The following GTF3C2 variants were observed in gnomAD, a reference collection of about 807,000 sequenced individuals.
GTF3C2 encodes general transcription factor 3C polypeptide 2.
Under a neutral mutation model 117.4 loss-of-function variants are expected in GTF3C2, and 17 were observed. That is an observed-to-expected ratio of 0.14 (90% confidence interval 0.10 to 0.22). The LOEUF is 0.22. Among genes scored for constraint, GTF3C2 ranks in the 10% least tolerant of loss-of-function variants. The probability of loss-of-function intolerance (pLI) is 1.00; values close to 1 mark genes in which losing one functional copy is unlikely to be tolerated. For synonymous variants in GTF3C2, 437 were observed against 427.0 expected (o/e 1.02, Z -0.29); for missense variants, 888 against 1,143.6 (o/e 0.78, Z 3.22).
chr2:27,341,168 TG>T (rs1680717305), intron 4 of GTF3C2, among the ~76,000 whole-genome samples: 1 of 152,136 alleles, frequency 6.6e-6, no homozygotes, highest in Non-Finnish European at 1.5e-5. Flanking sequence ...CCCAAGTAGC[TG>T]GGACTACAGG....
At chr2:27,351,877 C>T (rs79842948) in intron 1 of GTF3C2, among the ~76,000 whole-genome samples, 2 of 150,626 alleles carry the variant, frequency 1.3e-5, no homozygotes, top group African/African-American at 5.0e-5. Flanking sequence ...CCACACGCCC[C>T]CCATCTTGTA....
chr2:27,326,496 GC>G, exon 19 of GTF3C2: 1 of 613,650 alleles, frequency 1.6e-6, no homozygotes, highest in Non-Finnish European at 2.9e-6. Context: ...CCCGCAGGGG[GC>G]TGTGATCACA....
chr2:27,343,553 A>G, exon 2 of GTF3C2: 1 of 1,613,880 alleles, frequency 6.2e-7, no homozygotes, highest in Non-Finnish European at 8.5e-7. Context: ...GCAGGTATCC[A>G]TCAGCACCCC....
At chr2:27,344,510 C>T (rs564488747) in intron 1 of GTF3C2, among the ~76,000 whole-genome samples, 6 of 151,862 alleles carry the variant, frequency 4.0e-5, no homozygotes, top group African/African-American at 9.7e-5. Flanking sequence ...ACACACACTC[C>T]AAAAAAGAAG....
In GTF3C2 at chr2:27,352,887, T is replaced by C. The variant is rs182851121; in HGVS notation, c.-25+3852A>G. ...ACTTTCTTGAAACATTCACTTTTCTTGAGAAGCAATTCAACGAGCAGTAAA... is the reference window on the plus strand; with the variant it reads ...ACTTTCTTGAAACATTCACTTTTCTCGAGAAGCAATTCAACGAGCAGTAAA... On this transcript the variant is annotated intron_variant, in intron 1 of 18. Transcript: ENST00000264720. Among the ~76,000 whole-genome samples, 412 of 152,326 alleles carry C rather than the reference T, an allele frequency of 2.7e-3. 5 individuals carry two copies. The highest frequency in any genetic ancestry group is 7.5e-4 in the Non-Finnish European group (51 of 68,036).
chr2:27,352,640 ACAGT>A (rs923483915), intron 1 of GTF3C2, among the ~76,000 whole-genome samples: 3 of 152,282 alleles, frequency 2.0e-5, no homozygotes, highest in East Asian at 1.9e-4. Flanking sequence ...TCCTCCTCCT[ACAGT>A]CAAACTTTTA....
intron 12 of GTF3C2, among the ~76,000 whole-genome samples, chr2:27,330,038 C>A (rs1680223989): frequency 6.8e-6 from 1 of 146,802 alleles, no homozygotes; most frequent in South Asian, 2.2e-4. Context: ...CCCAGCTACT[C>A]GGGAGGCTAA....
exon 19 of GTF3C2, chr2:27,326,506 C>T (rs1275116244): frequency 3.2e-6 from 2 of 618,882 alleles, no homozygotes; most frequent in African/African-American, 3.7e-5. Context: ...GCTGTGATCA[C>T]AGAAGTCTGT....
intron 10 of GTF3C2, among the ~76,000 whole-genome samples, chr2:27,334,829 G>A (rs777009181): frequency 8.6e-5 from 13 of 151,714 alleles, no homozygotes; most frequent in Admixed American, 3.9e-4. Context: ...TTTTTTTGTC[G>A]AGACGACATC....
At chr2:27,351,566 T>C (rs1255058127) in intron 1 of GTF3C2, among the ~76,000 whole-genome samples, 2 of 152,244 alleles carry the variant, frequency 1.3e-5, no homozygotes, top group Non-Finnish European at 2.9e-5. Flanking sequence ...GCCGCTTCTC[T>C]AGCTCCTGAT....
At chr2:27,337,175 C>A (rs780606545) in intron 7 of GTF3C2, 69 bp downstream of exon 7, 11 of 911,024 alleles carry the variant, frequency 1.2e-5, no homozygotes, top group Non-Finnish European at 1.9e-5. Flanking sequence ...TCTGTCATCT[C>A]TTTCAACATT....
intron 12 of GTF3C2, among the ~76,000 whole-genome samples, chr2:27,331,235 GA>G (rs1238173301): frequency 6.6e-6 from 1 of 152,122 alleles, no homozygotes; most frequent in East Asian, 1.9e-4. Context: ...ACCACCAAAA[GA>G]AAAAACATGG....
chr2:27,328,597 C>CT lies in GTF3C2; in HGVS notation c.2128-2dup, dbSNP rs1310214081. On this transcript the variant is annotated splice_acceptor_variant, in intron 15 of 18. Coordinates refer to ENST00000264720, the Ensembl canonical transcript of GTF3C2. LOFTEE classifies it high-confidence loss of function. ...CAAGCCAGTCGGATCCTGAAAGACT[C>CT]TAATAGAAAGAGACAGATTTCATTC... 4 of 1,609,612 alleles carry CT rather than the reference C, an allele frequency of 2.5e-6. No individual in the cohort carries two copies. The highest frequency in any genetic ancestry group is 2.7e-5 in the African/African-American group (2 of 74,806).
intron 4 of GTF3C2, among the ~76,000 whole-genome samples, chr2:27,339,188 C>T (rs1428175402): frequency 6.6e-6 from 1 of 151,820 alleles, no homozygotes; most frequent in Non-Finnish European, 1.5e-5. Context: ...GCGGGCGGAT[C>T]ACGAGGTCAG....
At chr2:27,328,310 C>T (rs1418795434) in intron 16 of GTF3C2, 121 bp from the exon 17 acceptor site, 2 of 1,006,046 alleles carry the variant, frequency 2.0e-6, no homozygotes, top group Non-Finnish European at 3.0e-6. Context: ...AATATATGCT[C>T]AGATGCAGTA....
intron 1 of GTF3C2, among the ~76,000 whole-genome samples, chr2:27,355,568 A>C (rs528887676): frequency 2.6e-5 from 4 of 152,134 alleles, no homozygotes; most frequent in Non-Finnish European, 4.4e-5. Flanking sequence ...GCAGGATGTA[A>C]TGGTACAAAT....
At chr2:27,336,366 G>A (rs749167045) in exon 8 of GTF3C2, 2 of 1,612,968 alleles carry the variant, frequency 1.2e-6, no homozygotes, top group Non-Finnish European at 1.7e-6. Flanking sequence ...AGCCCAGAGC[G>A]GTCCCCCCGT....
Position 27,352,274 on chromosome 2 carries a change from A to G in GTF3C2, c.-25+4465T>C, listed in dbSNP as rs542187953. Among the ~76,000 whole-genome samples the G allele has an allele frequency of 3.3e-5, 5 of 152,088 alleles. No homozygotes were observed. In the South Asian group the frequency reaches 8.3e-4, roughly 25 times the overall value. Reference sequence around the variant, plus strand: ...TAAGTTGCTGAGCACTGGCAATCCCACTTTCTCTCTAGTCAGCCCCTACAT... The same window carrying G: ...TAAGTTGCTGAGCACTGGCAATCCCGCTTTCTCTCTAGTCAGCCCCTACAT... On this transcript the variant is annotated intron_variant, in intron 1 of 18. Coordinates refer to ENST00000264720, the Ensembl canonical transcript of GTF3C2.
intron 2 of GTF3C2, 61 bp downstream of exon 2, chr2:27,343,247 T>C: frequency 3.2e-6 from 5 of 1,562,522 alleles, no homozygotes; most frequent in South Asian, 2.3e-5. Context: ...ATGAGCTCAA[T>C]CTGCTCTTTC....
Sources: allele counts gnomAD v4.1 joint callset (sites outside exome capture counted in the v4.1 genomes callset), GRCh38; gene constraint gnomAD v4.1.1; transcripts MANE v1.5; gene names NCBI Gene and HGNC (gene_info 2026-07-23, HGNC 2026-07-21).